SPTA1: variants seen among roughly 807,000 people sequenced by gnomAD.
The protein encoded by SPTA1 is spectrin alpha chain, erythrocytic 1.
In SPTA1, 177 loss-of-function variants were observed where a neutral mutation model predicts 324.7. That is an observed-to-expected ratio of 0.55 (90% CI 0.48 to 0.62). SPTA1 has a LOEUF of 0.62. Among genes scored for constraint, SPTA1 ranks in the 20% least tolerant of loss-of-function variants. The pLI is 0.00. For missense variants in SPTA1, 3,162 were observed against 2,883.6 expected (o/e 1.10, Z -2.21); for synonymous variants, 1,195 against 1,041.3 (o/e 1.15, Z -2.84).
In SPTA1 at chr1:158,614,262, G is replaced by T; in HGVS notation, c.6833C>A (p.Thr2278Lys). Reference sequence around the variant, plus strand: ...ATGAAATTATACTCACTTATAGATTGTGCTAAATTCCTTTAGAGTCTCTTC... The same window carrying T: ...ATGAAATTATACTCACTTATAGATTTTGCTAAATTCCTTTAGAGTCTCTTC... Reference protein sequence around the residue: ...VSEETLKEFSTIYKHFDENLT... With the variant: ...VSEETLKEFSKIYKHFDENLT... The change falls in exon 49 of 52, where the codon ACA (threonine) becomes AAA (lysine). Residue 2278 changes from threonine to lysine, a missense_variant. Thr to Lys is a moderately conservative substitution (Grantham distance 78). Coordinates refer to ENST00000643759, the MANE Select transcript of SPTA1 (RefSeq NM_003126.4). 6.3e-7 allele frequency: 1 copy of T among 1,591,338 alleles called. No individual in the cohort carries two copies. The highest frequency in any genetic ancestry group is 8.6e-7 in the Non-Finnish European group (1 of 1,160,096).
chr1:158,619,471 C>T, intron 44 of SPTA1, 137 bp from the exon 45 acceptor site: 1 of 838,688 alleles, frequency 1.2e-6, no homozygotes, highest in Non-Finnish European at 2.0e-6. Context: ...TGCCTGTGTG[C>T]TCATATTTCA....
intron 39 of SPTA1, among the ~76,000 whole-genome samples, chr1:158,629,156 A>G (rs1650500952): frequency 6.6e-6 from 1 of 150,636 alleles, no homozygotes; most frequent in Non-Finnish European, 1.5e-5. Flanking sequence ...ATAGATAGAT[A>G]GATATGTCTA....
intron 18 of SPTA1, among the ~76,000 whole-genome samples, chr1:158,659,595 A>ATTATTTTTTTTTTTTTTTTT (rs1345384278): frequency 2.2e-4 from 15 of 68,714 alleles, no homozygotes; most frequent in Non-Finnish European, 4.3e-4. Flanking sequence ...TCTTAGCATT[A>ATTATTTTTTTTTTTTTTTTT]TTTTTTTTTT....
Position 158,674,524 on chromosome 1 carries a change from A to G in SPTA1, c.1248+16T>C. On this transcript the variant is annotated intron_variant, in intron 9 of 51. Coordinates refer to ENST00000643759, the MANE Select transcript of SPTA1 (RefSeq NM_003126.4). ...AACCTGCCCCCTCCTCCTACTGGGC[A>G]GCCTTTCTTCTCTACCTTATGCTGC... is the stretch of plus-strand genomic sequence containing the variant. The G allele has an allele frequency of 6.2e-7, 1 of 1,614,126 alleles. No individual in the cohort carries two copies. The highest frequency in any genetic ancestry group is 8.5e-7 in the Non-Finnish European group (1 of 1,179,974).
chr1:158,686,618 T>C lies in SPTA1; in HGVS notation c.-101A>G. The C allele has an allele frequency of 5.3e-6, 5 of 938,944 alleles. No individual in the cohort carries two copies. Among genetic ancestry groups the C allele is most frequent in the Non-Finnish European group, 8.5e-6 (5 of 586,358 alleles). 58.2% of individuals were successfully genotyped at this position (938,944 alleles called of 1,614,324 possible). A position where few individuals can be genotyped will look rare whatever the true frequency, so the allele number is the denominator to read the frequency against. Reference sequence around the variant, plus strand: ...CTGTCCAGTCGAATTCAAATAGAAATATAGAAACGTTAAGTATGTGGGGGA... The same window carrying C: ...CTGTCCAGTCGAATTCAAATAGAAACATAGAAACGTTAAGTATGTGGGGGA... On this transcript the variant is annotated 5_prime_UTR_variant, in exon 1 of 52. The change creates a new upstream start codon in the 5' untranslated region. Transcript: ENST00000643759.
chr1:158,656,756 T>C, intron 19 of SPTA1, 100 bp from the exon 20 acceptor site: 1 of 1,093,662 alleles, frequency 9.1e-7, no homozygotes, highest in Non-Finnish European at 1.4e-6. Flanking sequence ...TAAATCCTGG[T>C]AAAAGCTGCT....
chr1:158,619,895 A>G (rs181961907), intron 44 of SPTA1, among the ~76,000 whole-genome samples: 26 of 152,322 alleles, frequency 1.7e-4, no homozygotes, highest in Admixed American at 5.9e-4. Context: ...TGAACTTTTC[A>G]TAGCTCATCA....
Position 158,648,651 on chromosome 1 carries a change from T to G in SPTA1, c.3572A>C (p.Glu1191Ala), listed in dbSNP as rs1652179932. The change falls in exon 26 of 52, where the codon GAA (glutamate) becomes GCA (alanine). Residue 1191 changes from glutamate to alanine, a missense_variant and splice_region_variant. Glu to Ala is a moderately radical substitution (Grantham distance 107). Coordinates refer to ENST00000643759, the MANE Select transcript of SPTA1 (RefSeq NM_003126.4). ...SAHAVEVFHR[E>A]ADDTKEQIEK... Reference sequence around the variant, plus strand: ...AATCTGCTCCTTCGTGTCATCTGCTTCTCTGGTATACAAGAGAGTAGAGAG... The same window carrying G: ...AATCTGCTCCTTCGTGTCATCTGCTGCTCTGGTATACAAGAGAGTAGAGAG... 1.2e-6 allele frequency: 2 copies of G among 1,613,672 alleles called. No individual in the cohort carries two copies. The highest frequency in any genetic ancestry group is 1.7e-6 in the Non-Finnish European group (2 of 1,179,858).
In SPTA1 at chr1:158,624,773, T is replaced by C. The variant is rs556390967; in HGVS notation, c.5910+1373A>G. On this transcript the variant is annotated intron_variant, in intron 42 of 51. Transcript: ENST00000643759. ...GCCAAAACTGTATAGGGCACAAGTC[T>C]AGAAGCCAAGCAGAAATGGTAGCTA... 3.3e-5 allele frequency among the ~76,000 whole-genome samples: 5 copies of C among 152,330 alleles called. No individual in the cohort carries two copies. The South Asian group carries it at 1.0e-3, about 32-fold the overall frequency.
At chr1:158,683,763 C>A (rs1654976867) in intron 2 of SPTA1, among the ~76,000 whole-genome samples, 1 of 149,978 alleles carries the variant, frequency 6.7e-6, no homozygotes, top group African/African-American at 2.4e-5. Flanking sequence ...CAGTGTCCTT[C>A]CTCATCAGAA....
chr1:158,642,569 T>C (rs1651685191), intron 32 of SPTA1, 27 bp from the exon 33 acceptor site: 3 of 1,612,748 alleles, frequency 1.9e-6, no homozygotes, highest in East Asian at 2.2e-5. Flanking sequence ...ACAGAAATTA[T>C]ATTATCTTTT....
intron 16 of SPTA1, among the ~76,000 whole-genome samples, chr1:158,663,216 T>A (rs866633973): frequency 6.6e-6 from 1 of 152,174 alleles, no homozygotes; most frequent in African/African-American, 2.4e-5. Flanking sequence ...TCAGAAAAAT[T>A]AGAATTGCAG....
chr1:158,668,091 A>G, intron 14 of SPTA1, 29 bp from the exon 15 acceptor site: 3 of 1,439,548 alleles, frequency 2.1e-6, no homozygotes, highest in Non-Finnish European at 2.9e-6. Context: ...AAAAAAAAAA[A>G]CCATTACCTG....
At position 158,645,525 on chromosome 1, in the gene SPTA1, A is replaced by C. The variant is rs181634584; in HGVS notation, c.3966T>G (p.Thr1322=). ...VSSQELAEDL[T]GIEILLERHQ... ...GTCTCTCCAGCAAGATCTCTATGCC[A>C]GTTAAGTCTTCGGCCAGCTCCTGTG... Residue 1322 remains threonine, a synonymous_variant, in exon 28 of 52, where the codon ACT becomes ACG. Coordinates refer to ENST00000643759, the MANE Select transcript of SPTA1 (RefSeq NM_003126.4). The C allele has an allele frequency of 6.2e-7, 1 of 1,614,024 alleles. No homozygotes were observed. Among genetic ancestry groups the C allele is most frequent in the East Asian group, 2.2e-5 (1 of 44,866 alleles).
In SPTA1 at chr1:158,667,993, T is replaced by C. The variant is rs1036558893; in HGVS notation, c.1903A>G (p.Thr635Ala). The C allele has an allele frequency of 3.1e-6, 5 of 1,613,368 alleles. No individual in the cohort carries two copies. In the Admixed American group the frequency reaches 8.3e-5, roughly 27 times the overall value. The change falls in exon 15 of 52, where the codon ACC becomes GCC. Residue 635 changes from threonine to alanine, a missense_variant. Transcript: ENST00000643759. ...VFEKELAVNK[T>A]QLENIQKTGQ... ...GTTTTCTGTATGTTTTCCAGCTGGG[T>C]CTTATTAACTGCCAACTCCTTTTCA...
At chr1:158,639,296 A>G (rs148625567) in intron 35 of SPTA1, 1 of 416,610 alleles carries the variant, frequency 2.4e-6, no homozygotes, top group African/African-American at 2.0e-5. Context: ...ATATAGCTTA[A>G]AGACAATTGG....
In SPTA1 at chr1:158,644,400, T is replaced by G; in HGVS notation, c.4195-4A>C. On this transcript the variant is annotated splice_region_variant and splice_polypyrimidine_tract_variant and intron_variant, in intron 29 of 51. Transcript: ENST00000643759. The stretch of plus-strand genomic sequence containing the variant: ...GATCACAGTTCCCCTGGAACATCTA[T>G]GAGGAATCAAATGAGAGGGGTATGG... 6.2e-7 allele frequency: 1 copy of G among 1,613,712 alleles called. No homozygotes were observed.
chr1:158,678,575 AT>A, intron 5 of SPTA1, 41 bp from the exon 6 acceptor site: 1 of 1,605,488 alleles, frequency 6.2e-7, no homozygotes, highest in East Asian at 2.2e-5. Context: ...CAGAGATGAG[AT>A]TATATTTAAA....
rs565611676 is a variant in SPTA1, at chr1:158,654,676, G to C, written c.2971C>G (p.Arg991Gly). The C allele has an allele frequency of 1.2e-6, 2 of 1,613,672 alleles. No individual in the cohort carries two copies. The highest frequency in any genetic ancestry group is 1.3e-5 in the African/African-American group (1 of 74,884). ...RVMALYDFQA[R>G]SPREVTMKKG... ...TTCATGGTGACTTCTCGGGGGCTGCGGGCCTGGAAGTCATATAAAGCCATG... is the reference window on the plus strand; with the variant it reads ...TTCATGGTGACTTCTCGGGGGCTGCCGGCCTGGAAGTCATATAAAGCCATG... Residue 991 changes from arginine to glycine, a missense_variant, in exon 21 of 52, where the codon CGC (arginine) becomes GGC (glycine). Physicochemically the swap from Arg to Gly is moderately radical, Grantham distance 125. Coordinates refer to ENST00000643759, the MANE Select transcript of SPTA1 (RefSeq NM_003126.4).
Sources: gnomAD v4.1 joint callset for allele counts (sites outside exome capture counted in the v4.1 genomes callset) on GRCh38, gnomAD v4.1.1 for gene constraint, MANE v1.5 for transcripts, NCBI Gene and HGNC (gene_info 2026-07-23, HGNC 2026-07-21) for gene names.